The following TTLL4 variants were observed in gnomAD, a reference collection of about 807,000 sequenced individuals.
TTLL4 encodes the protein tubulin tyrosine ligase like 4.
Under a neutral mutation model 122.7 loss-of-function variants are expected in TTLL4, and 85 were observed. The observed-to-expected ratio is 0.69, with a 90% CI of 0.58 to 0.83. The LOEUF (loss-of-function observed/expected upper bound fraction) is 0.83, where lower values mean the gene tolerates loss of function less well. Among genes scored for constraint, TTLL4 ranks in the 40% least tolerant of loss-of-function variants. The probability of loss-of-function intolerance (pLI) is 0.00; values close to 1 mark genes in which losing one functional copy is unlikely to be tolerated. For synonymous variants in TTLL4, 553 were observed against 563.0 expected, an observed-to-expected ratio of 0.98 and a Z score of 0.25; for missense variants, 1,363 against 1,488.6, an observed-to-expected ratio of 0.92 and a Z score of 1.39.
At chr2:218,751,958 A>G (rs6708650) in intron 16 of TTLL4, 152 bp downstream of exon 16, 167,123 of 459,244 alleles carry the variant, frequency 0.36, 35,266 homozygotes, top group Non-Finnish European at 0.4. Context: ...CCCAGGCTGG[A>G]GTGCAATGGT....
rs575302710 is a variant in TTLL4 at position 218,752,065 on chromosome 2, A to T, written c.2976+259A>T. 5.9e-5 allele frequency among the ~76,000 whole-genome samples: 9 copies of T among 151,490 alleles called. No homozygotes were observed. The South Asian group carries it at 1.9e-3, about 32-fold the overall frequency. On this transcript the variant is annotated intron_variant, in intron 16 of 19. Coordinates refer to ENST00000392102, the MANE Select transcript of TTLL4 (RefSeq NM_014640.5). ...TGGGATTAGAGGCATGCACCACCAT[A>T]CCCAGCTAATTTTATATTTTTTAGT...
At chr2:218,749,718 C>T (rs143735099) in intron 14 of TTLL4, among the ~76,000 whole-genome samples, 5,423 of 152,236 alleles carry the variant, frequency 0.036, 309 homozygotes, top group African/African-American at 0.12. Flanking sequence ...CTGCCCACCT[C>T]GGCCTCCCAA....
rs1942653865 is a variant in TTLL4 at position 218,740,041 on chromosome 2, A to C, written c.1488-17A>C. ...TGATGGAGTTGACTAGGCTGGGGGC[A>C]TGATTCTTTCTTTTAGTTCAGCTAC... On this transcript the variant is annotated splice_polypyrimidine_tract_variant and intron_variant, in intron 3 of 19. Coordinates refer to ENST00000392102, the MANE Select transcript of TTLL4 (RefSeq NM_014640.5). The C allele has an allele frequency of 1.2e-6, 2 of 1,611,744 alleles. No individual in the cohort carries two copies. The highest frequency in any genetic ancestry group is 3.3e-5 in the Admixed American group (2 of 59,928).
intron 2 of TTLL4, among the ~76,000 whole-genome samples, chr2:218,731,053 A>C (rs751985655): frequency 6.6e-6 from 1 of 152,078 alleles, no homozygotes. Context: ...CCTAGGCTGC[A>C]GTGAGTTATG....
In TTLL4 at chr2:218,747,580, G is replaced by C. The variant is rs372784366; in HGVS notation, c.2250-17G>C. On this transcript the variant is annotated splice_polypyrimidine_tract_variant and intron_variant, in intron 10 of 19. Coordinates refer to ENST00000392102, the MANE Select transcript of TTLL4 (RefSeq NM_014640.5). The surrounding 1 kb of genome is among the most constrained non-coding windows in gnomAD (Gnocchi z 4.7). ...CATCATCTGGCTGTATGAGAAGCTG[G>C]CCTTTGTCCTATGTAGGTATCTACA... 1.4e-5 allele frequency: 22 copies of C among 1,613,120 alleles called. No individual in the cohort carries two copies. Among genetic ancestry groups the C allele is most frequent in the Non-Finnish European group, 1.9e-5 (22 of 1,179,476 alleles).
chr2:218,716,307 A>C (rs1941855804), intron 1 of TTLL4, among the ~76,000 whole-genome samples: 1 of 152,210 alleles, frequency 6.6e-6, no homozygotes, highest in Non-Finnish European at 1.5e-5. Flanking sequence ...CTTATGTGTC[A>C]TTCATTCTTT....
rs746687540 is a variant in TTLL4, at chr2:218,753,674, G to A, written c.3344+5G>A. 1.9e-6 allele frequency: 3 copies of A among 1,614,098 alleles called. No individual in the cohort carries two copies. The highest frequency in any genetic ancestry group is 2.5e-6 in the Non-Finnish European group (3 of 1,180,028). Reference sequence around the variant, plus strand: ...ATCAGAGACTAGCAAGCTGGGGTGAGTGCTGCCTGGGCAAGGGAGGGGCTG... The same window carrying A: ...ATCAGAGACTAGCAAGCTGGGGTGAATGCTGCCTGGGCAAGGGAGGGGCTG... On this transcript the variant is annotated splice_donor_5th_base_variant and intron_variant, in intron 19 of 19. Coordinates refer to ENST00000392102, the MANE Select transcript of TTLL4 (RefSeq NM_014640.5).
At chr2:218,725,180 G>A (rs999391544) in intron 1 of TTLL4, among the ~76,000 whole-genome samples, 2 of 151,868 alleles carry the variant, frequency 1.3e-5, no homozygotes, top group Non-Finnish European at 2.9e-5. Context: ...GTGCAAGCAT[G>A]AGCCACTGCG....
Position 218,740,144 on chromosome 2 carries a change from G to T in TTLL4, c.1574G>T (p.Arg525Leu). The T allele has an allele frequency of 6.2e-7, 1 of 1,614,194 alleles. No individual in the cohort carries two copies. The highest frequency in any genetic ancestry group is 8.5e-7 in the Non-Finnish European group (1 of 1,180,026). The change falls in exon 4 of 20, where the codon CGT (arginine) becomes CTT (leucine). Residue 525 changes from arginine to leucine, a missense_variant. Physicochemically the swap from Arg to Leu is moderately radical, Grantham distance 102. Around this residue, in one of 3 missense-constraint regions of TTLL4, gnomAD observed 760 missense variants for 808.4 expected, o/e 0.94. Transcript: ENST00000392102. ...GATGGTTTGGAAGACTGTTGTAGCC[G>T]TGATGAGAATGAAGAGGAGGAGGGT... ...LVDGLEDCCS[R>L]DENEEEEGDS... is the part of the protein sequence containing the mutation.
chr2:218,713,190 G>C (rs1400879572), intron 1 of TTLL4, among the ~76,000 whole-genome samples: 1 of 152,012 alleles, frequency 6.6e-6, no homozygotes, highest in Non-Finnish European at 1.5e-5. Context: ...GACCAGCCTG[G>C]GCAACATGGC....
chr2:218,737,177 C>T (rs1164525728), intron 2 of TTLL4, among the ~76,000 whole-genome samples: 1 of 152,200 alleles, frequency 6.6e-6, no homozygotes, highest in African/African-American at 2.4e-5. Context: ...CTCTCTCTCA[C>T]TTCAGATTTG....
At chr2:218,742,037 T>C (rs1306021888) in intron 5 of TTLL4, among the ~76,000 whole-genome samples, 5 of 152,180 alleles carry the variant, frequency 3.3e-5, no homozygotes, top group Admixed American at 6.5e-5. Context: ...CATAGCTTAC[T>C]GTAACCTCGA....
chr2:218,745,001 T>A, intron 5 of TTLL4, 108 bp from the exon 6 acceptor site: 1 of 1,463,092 alleles, frequency 6.8e-7, no homozygotes, highest in Non-Finnish European at 9.2e-7. Flanking sequence ...CTTTTTAGAA[T>A]CACAAGTTAA....
At chr2:218,742,915 G>C (rs1942740841) in intron 5 of TTLL4, among the ~76,000 whole-genome samples, 2 of 152,130 alleles carry the variant, frequency 1.3e-5, no homozygotes, top group African/African-American at 2.4e-5. Flanking sequence ...TTGAAGTCAG[G>C]AGTTTGAGAC....
rs1400016313 is a variant in TTLL4, at chr2:218,730,333, A to C, written c.-99+2986A>C. ...ATCCAAAAAAAAAAAAAAAAAAAAA[A>C]AAAAAAAAAAAAAAAAGAAAAAAAA... On this transcript the variant is annotated intron_variant, in intron 2 of 19. Transcript: ENST00000392102. Among the ~76,000 whole-genome samples the C allele has an allele frequency of 1.2e-3, 164 of 138,070 alleles. 2 individuals are homozygous for C. The highest frequency in any genetic ancestry group is 3.6e-3 in the Middle Eastern group (1 of 278). The allele number at this position is 138,070 out of a possible 152,430, so 90.6% of individuals were successfully genotyped here.
At chr2:218,735,585 C>G (rs1185157194) in intron 2 of TTLL4, among the ~76,000 whole-genome samples, 1 of 151,982 alleles carries the variant, frequency 6.6e-6, no homozygotes, top group Admixed American at 6.6e-5. Context: ...AAAACAAAAC[C>G]TCTCTGCAAA....
At chr2:218,720,628 C>T (rs970561689) in intron 1 of TTLL4, among the ~76,000 whole-genome samples, 8 of 148,582 alleles carry the variant, frequency 5.4e-5, no homozygotes, top group Admixed American at 2.0e-4. Context: ...GAGCCGAGAT[C>T]GTACCATTGC....
intron 1 of TTLL4, among the ~76,000 whole-genome samples, 199 bp downstream of exon 1, chr2:218,711,236 G>T (rs928132585): frequency 1.3e-5 from 2 of 152,202 alleles, no homozygotes; most frequent in African/African-American, 4.8e-5. Context: ...GGGACTTCGC[G>T]CCTCCTCGGA....
At chr2:218,729,768 A>AAC (rs1559361963) in intron 2 of TTLL4, among the ~76,000 whole-genome samples, 1 of 148,368 alleles carries the variant, frequency 6.7e-6, no homozygotes, top group African/African-American at 2.5e-5. Context: ...AAAAACAAAA[A>AAC]AAAAAAAAAC....
Sources: gnomAD v4.1 joint callset for allele counts (sites outside exome capture counted in the v4.1 genomes callset) on GRCh38, gnomAD v4.1.1 for gene constraint, gnomAD v4.1.1 regional missense constraint, Gnocchi (gnomAD v3.1) non-coding constraint, MANE v1.5 for transcripts, NCBI Gene and HGNC (gene_info 2026-07-23, HGNC 2026-07-21) for gene names.